The following GRM7 variants were observed in gnomAD, a reference collection of about 807,000 sequenced individuals.
GRM7 encodes glutamate metabotropic receptor 7, also known as metabotropic glutamate receptor 7.
GRM7 carries 35 observed loss-of-function variants against 84.5 expected under a neutral mutation model. The observed-to-expected ratio is 0.41, with a 90% CI of 0.32 to 0.55. The LOEUF is 0.55. Among genes scored for constraint, GRM7 ranks in the 20% least tolerant of loss-of-function variants. The pLI is 0.19. For missense variants in GRM7, 1,003 were observed against 1,194.6 expected (o/e 0.84, Z 2.36); for synonymous variants, 487 against 455.1 (o/e 1.07, Z -0.89).
At chr3:7,501,403 T>C (rs1699878145) in intron 7 of GRM7, among the ~76,000 whole-genome samples, 1 of 152,228 alleles carries the variant, frequency 6.6e-6, no homozygotes. Flanking sequence ...GCCATTGTCA[T>C]GTAGGCATGA....
At chr3:7,043,653 C>T (rs1696705798) in intron 1 of GRM7, among the ~76,000 whole-genome samples, 1 of 152,176 alleles carries the variant, frequency 6.6e-6, no homozygotes, top group Admixed American at 6.5e-5. Context: ...AGTGCTCTGC[C>T]ATGGAGCATC....
At chr3:7,641,817 C>T (rs1389859886) in intron 8 of GRM7, among the ~76,000 whole-genome samples, 1 of 152,106 alleles carries the variant, frequency 6.6e-6, no homozygotes, top group Non-Finnish European at 1.5e-5. Context: ...GACTTAATGT[C>T]TAATACATAA....
At chr3:7,731,714 C>T (rs1005206906) in intron 9 of GRM7, among the ~76,000 whole-genome samples, 10 of 152,144 alleles carry the variant, frequency 6.6e-5, no homozygotes, top group Non-Finnish European at 5.9e-5. Context: ...GCAATTTCCC[C>T]AATTACACCT....
At chr3:7,256,097 C>T (rs566934786) in intron 2 of GRM7, among the ~76,000 whole-genome samples, 1 of 152,274 alleles carries the variant, frequency 6.6e-6, no homozygotes, top group African/African-American at 2.4e-5. Context: ...ACACTTTCCC[C>T]CTTCCAGAGC....
chr3:7,087,235 T>A (rs1412555379), intron 1 of GRM7, among the ~76,000 whole-genome samples: 1 of 152,194 alleles, frequency 6.6e-6, no homozygotes, highest in Non-Finnish European at 1.5e-5. Flanking sequence ...TCCTGGAATA[T>A]TAAACTTTGT....
intron 2 of GRM7, among the ~76,000 whole-genome samples, chr3:7,250,802 G>A (rs1020382681): frequency 1.3e-5 from 2 of 152,184 alleles, no homozygotes; most frequent in African/African-American, 4.8e-5. Context: ...GGGATTGCAG[G>A]TGTAAGCCAC....
At chr3:7,079,641 G>A (rs1269018615) in intron 1 of GRM7, among the ~76,000 whole-genome samples, 2 of 152,076 alleles carry the variant, frequency 1.3e-5, no homozygotes, top group Non-Finnish European at 2.9e-5. Context: ...GACTGGAGTG[G>A]GCAGAATAAT....
intron 1 of GRM7, among the ~76,000 whole-genome samples, chr3:6,916,236 G>A (rs907255753): frequency 1.3e-5 from 2 of 152,126 alleles, no homozygotes; most frequent in African/African-American, 4.8e-5. Context: ...AAGCTTGATG[G>A]TACTAAAGGT....
chr3:7,647,558 T>C (rs1698703731), intron 8 of GRM7, among the ~76,000 whole-genome samples: 1 of 151,996 alleles, frequency 6.6e-6, no homozygotes, highest in Non-Finnish European at 1.5e-5. Context: ...AGAAAGCCAA[T>C]GGGGAGTTGG....
At chr3:7,729,322 T>G (rs1358399531) in intron 9 of GRM7, among the ~76,000 whole-genome samples, 1 of 152,214 alleles carries the variant, frequency 6.6e-6, no homozygotes, top group Non-Finnish European at 1.5e-5. Context: ...TGTCCTTTTC[T>G]CAGACTATTT....
At chr3:7,656,619 A>G (rs1302468446) in intron 8 of GRM7, among the ~76,000 whole-genome samples, 1 of 151,188 alleles carries the variant, frequency 6.6e-6, no homozygotes, top group East Asian at 1.9e-4. Context: ...GTCGTGTTTT[A>G]TGTCCCCAGG....
chr3:7,457,314 T>C (rs531621020), intron 6 of GRM7, among the ~76,000 whole-genome samples: 3 of 152,302 alleles, frequency 2.0e-5, no homozygotes, highest in South Asian at 4.1e-4. Context: ...AGCCTCCTCT[T>C]ATGCATTGAG....
At chr3:7,613,714 T>C (rs1696951413) in intron 8 of GRM7, among the ~76,000 whole-genome samples, 1 of 152,164 alleles carries the variant, frequency 6.6e-6, no homozygotes. Context: ...TTCCAGATGA[T>C]CATCTTATGA....
intron 1 of GRM7, among the ~76,000 whole-genome samples, chr3:7,098,313 C>T (rs975759770): frequency 6.6e-6 from 1 of 151,922 alleles, no homozygotes; most frequent in Non-Finnish European, 1.5e-5. Context: ...TACAGTAAAA[C>T]CTAGATCTAG....
intron 7 of GRM7, among the ~76,000 whole-genome samples, chr3:7,516,244 G>A (rs992473677): frequency 2.4e-4 from 36 of 149,426 alleles, no homozygotes; most frequent in Non-Finnish European, 5.0e-4. Flanking sequence ...AGCCGAAGCC[G>A]AGGCGGGCAG....
At chr3:7,411,482 A>T (rs1217237892) in intron 4 of GRM7, among the ~76,000 whole-genome samples, 1 of 151,876 alleles carries the variant, frequency 6.6e-6, no homozygotes, top group Non-Finnish European at 1.5e-5. Flanking sequence ...AAATAATCTA[A>T]TTTTTTTTAG....
intron 1 of GRM7, among the ~76,000 whole-genome samples, chr3:6,971,337 C>A (rs559328930): frequency 2.4e-4 from 36 of 152,292 alleles, no homozygotes; most frequent in Admixed American, 3.9e-4. Context: ...ATTACAACCT[C>A]ATAGAAATGT....
rs1334538753 is a variant in GRM7, at chr3:7,572,843, T to A, written c.1516-5579T>A. On this transcript the variant is annotated intron_variant, in intron 7 of 9. Coordinates refer to ENST00000357716, the MANE Select transcript of GRM7 (RefSeq NM_000844.4). ...TCTCAAATATATATATATATATATA[T>A]ATATATATATATATATATATATATA... is the stretch of plus-strand genomic sequence containing the variant. Among the ~76,000 whole-genome samples the A allele has an allele frequency of 4.3e-3, 73 of 17,022 alleles. 7 individuals are homozygous for A. In the South Asian group the frequency reaches 0.098, roughly 23 times the overall value. 11.2% of individuals were successfully genotyped at this position (17,022 alleles called of 152,430 possible). A position where few individuals can be genotyped will look rare whatever the true frequency, so the allele number is the denominator to read the frequency against.
chr3:7,590,196 T>G (rs1218956642), intron 8 of GRM7, among the ~76,000 whole-genome samples: 1 of 152,156 alleles, frequency 6.6e-6, no homozygotes, highest in Non-Finnish European at 1.5e-5. Flanking sequence ...CATCACTTGC[T>G]TTTTCAAAAA....
Sources: allele counts gnomAD v4.1 joint callset (sites outside exome capture counted in the v4.1 genomes callset), GRCh38; gene constraint gnomAD v4.1.1; transcripts MANE v1.5; gene names NCBI Gene and HGNC (gene_info 2026-07-23, HGNC 2026-07-21).